Variants in FGF14 observed in about 807,000 individuals in gnomAD.
FGF14 encodes the protein fibroblast growth factor 14, also known as fibroblast growth factor homologous factor 4.
FGF14 carries 5 observed loss-of-function variants against 25.5 expected under a neutral mutation model. The observed-to-expected ratio is 0.20, with a 90% CI of 0.10 to 0.41. The LOEUF (loss-of-function observed/expected upper bound fraction) is 0.41. Ranked by LOEUF, FGF14 falls within the 10% of genes least tolerant of loss-of-function variation. The pLI, the probability that FGF14 is intolerant of heterozygous loss-of-function variation, is 1.00. For synonymous variants in FGF14, 138 were observed against 118.3 expected, an observed-to-expected ratio of 1.17 and a Z score of -1.08; for missense variants, 222 against 320.1, an observed-to-expected ratio of 0.69 and a Z score of 2.34.
intron 1 of FGF14, among the ~76,000 whole-genome samples, chr13:102,342,126 C>T (rs558483441): frequency 1.2e-4 from 18 of 152,136 alleles, no homozygotes; most frequent in Non-Finnish European, 5.9e-5. Flanking sequence ...TTAGATAAAG[C>T]CATAAGTTAC....
intron 1 of FGF14, among the ~76,000 whole-genome samples, chr13:101,974,426 C>G (rs1384663594): frequency 1.3e-5 from 2 of 152,106 alleles, no homozygotes; most frequent in Non-Finnish European, 1.5e-5. Flanking sequence ...ATAAAACACA[C>G]AAAACATTTA....
chr13:102,070,842 T>C (rs902908298), intron 1 of FGF14, among the ~76,000 whole-genome samples: 2 of 152,172 alleles, frequency 1.3e-5, no homozygotes, highest in Admixed American at 6.5e-5. Flanking sequence ...TATTTTCATA[T>C]CCTATTTTCA....
intron 1 of FGF14, among the ~76,000 whole-genome samples, chr13:102,295,970 A>G (rs1392225397): frequency 2.0e-5 from 3 of 152,166 alleles, no homozygotes; most frequent in Non-Finnish European, 2.9e-5. Context: ...CTATAGAAGA[A>G]AAAAAACAGA....
At chr13:102,294,682 T>G in intron 1 of FGF14, among the ~76,000 whole-genome samples, 1 of 152,172 alleles carries the variant, frequency 6.6e-6, no homozygotes, top group South Asian at 2.1e-4. Flanking sequence ...TTTCCACTAT[T>G]TCTCCAGTGG....
Position 102,164,612 on chromosome 13 carries a change from A to AAGG in FGF14, c.208+236856_208+236858dup, listed in dbSNP as rs376434119. On this transcript the variant is annotated intron_variant, in intron 1 of 4. Transcript: ENST00000376131. Reference sequence around the variant, plus strand: ...TAAAGTCATAGAGACAAAGGCAAGAAAGGAGAAATTCCTACATAATCTTTG... The same window carrying AAGG: ...TAAAGTCATAGAGACAAAGGCAAGAAAGGAGGAGAAATTCCTACATAATCTTTG... 8.5e-3 allele frequency among the ~76,000 whole-genome samples: 1,290 copies of AAGG among 152,280 alleles called. 20 individuals carry two copies. Among genetic ancestry groups the AAGG allele is most frequent in the African/African-American group, 0.028 (1,178 of 41,568 alleles).
Position 102,361,007 on chromosome 13 carries a change from T to A in FGF14, c.208+40464A>T, listed in dbSNP as rs531628806. On this transcript the variant is annotated intron_variant, in intron 1 of 4. Transcript: ENST00000376131. ...TAAAATATCTCCCAGTGAAATTATA[T>A]CCCTGTCTAAATTGGAGAACTTTAA... Among the ~76,000 whole-genome samples the A allele has an allele frequency of 3.3e-5, 5 of 152,238 alleles. No individual in the cohort carries two copies. In the South Asian group the frequency reaches 8.3e-4, roughly 25 times the overall value.
chr13:101,868,215 G>A (rs1348058240), intron 3 of FGF14, among the ~76,000 whole-genome samples: 1 of 152,154 alleles, frequency 6.6e-6, no homozygotes, highest in African/African-American at 2.4e-5. Flanking sequence ...TTCAGAAGAG[G>A]TCATATGGCT....
intron 1 of FGF14, among the ~76,000 whole-genome samples, chr13:102,049,294 G>A (rs898609752): frequency 2.0e-5 from 3 of 152,040 alleles, no homozygotes; most frequent in Non-Finnish European, 2.9e-5. Flanking sequence ...GTCAATAAAT[G>A]TGCTCTTTCT....
chr13:102,200,869 A>G (rs7997443), intron 1 of FGF14, among the ~76,000 whole-genome samples: 17,450 of 151,900 alleles, frequency 0.11, 2,092 homozygotes, highest in African/African-American at 0.3. Context: ...TTGGGAGGAC[A>G]AGGCGGGCGG....
chr13:102,362,261 C>T (rs924329488), intron 1 of FGF14, among the ~76,000 whole-genome samples: 3 of 152,122 alleles, frequency 2.0e-5, no homozygotes, highest in Admixed American at 2.0e-4. Context: ...TTCATTCCCT[C>T]GTGATTTTGC....
intron 3 of FGF14, among the ~76,000 whole-genome samples, chr13:101,796,274 A>G (rs1257718128): frequency 6.6e-6 from 1 of 152,064 alleles, no homozygotes; most frequent in Non-Finnish European, 1.5e-5. Context: ...AGAACCTGCA[A>G]TAACGCCTTC....
chr13:101,856,896 T>C (rs952853812), intron 3 of FGF14, among the ~76,000 whole-genome samples: 9 of 151,996 alleles, frequency 5.9e-5, no homozygotes, highest in African/African-American at 2.2e-4. Flanking sequence ...TAATTTGCTG[T>C]GACAGGCATC....
chr13:102,021,389 G>A (rs370332893), intron 1 of FGF14, among the ~76,000 whole-genome samples: 7 of 151,934 alleles, frequency 4.6e-5, no homozygotes, highest in Non-Finnish European at 7.4e-5. Flanking sequence ...GGTGGATATC[G>A]TGAACTCCTC....
At chr13:102,253,735 C>T (rs900327754) in intron 1 of FGF14, among the ~76,000 whole-genome samples, 3 of 152,098 alleles carry the variant, frequency 2.0e-5, no homozygotes, top group African/African-American at 7.2e-5. Context: ...TTTTCCCCCA[C>T]ATATTTTCGA....
At chr13:102,345,877 T>C (rs2057091041) in intron 1 of FGF14, among the ~76,000 whole-genome samples, 1 of 152,226 alleles carries the variant, frequency 6.6e-6, no homozygotes, top group Non-Finnish European at 1.5e-5. Flanking sequence ...ACCAATCAGT[T>C]GGATAGATTC....
chr13:101,727,932 AATAG>A (rs1388200906), intron 3 of FGF14, among the ~76,000 whole-genome samples: 5 of 152,118 alleles, frequency 3.3e-5, no homozygotes, highest in African/African-American at 1.2e-4. Flanking sequence ...ATTTTTCTTT[AATAG>A]ATTTTATTAT....
At chr13:101,922,544 C>T (rs1034107781) in intron 1 of FGF14, among the ~76,000 whole-genome samples, 1 of 152,142 alleles carries the variant, frequency 6.6e-6, no homozygotes, top group African/African-American at 2.4e-5. Context: ...GATAAATTGA[C>T]AATATGCCCT....
Position 101,726,607 on chromosome 13 carries a change from C to T in FGF14, c.607+5G>A. The T allele has an allele frequency of 6.2e-7, 1 of 1,612,624 alleles. No individual in the cohort carries two copies. The highest frequency in any genetic ancestry group is 8.5e-7 in the Non-Finnish European group (1 of 1,178,948). On this transcript the variant is annotated splice_donor_5th_base_variant and intron_variant, in intron 4 of 4. Coordinates refer to ENST00000376143, the MANE Select transcript of FGF14 (RefSeq NM_004115.4). ...ATGTAATAATAATGCATGCATAATA[C>T]TCACCTTCCAATGGCTTGGGTAGAA...
intron 3 of FGF14, chr13:101,801,955 A>C: frequency 2.1e-6 from 1 of 477,688 alleles, no homozygotes; most frequent in Non-Finnish European, 4.1e-6. Context: ...GCAGAGAAGA[A>C]CATAAAAAGA....
Sources: gnomAD v4.1 joint callset for allele counts (sites outside exome capture counted in the v4.1 genomes callset) on GRCh38, gnomAD v4.1.1 for gene constraint, MANE v1.5 for transcripts, NCBI Gene and HGNC (gene_info 2026-07-23, HGNC 2026-07-21) for gene names.